The following GFRA1 variants were observed in gnomAD, a reference collection of about 807,000 sequenced individuals.
The protein encoded by GFRA1 is GDNF family receptor alpha-1.
Under a neutral mutation model 51.6 loss-of-function variants are expected in GFRA1, and 16 were observed. The ratio of observed to expected loss-of-function variants is 0.31; its 90% confidence interval spans 0.21 to 0.47. GFRA1 has a LOEUF of 0.47. GFRA1 is among the 20% of genes least tolerant of loss of function. The probability of loss-of-function intolerance (pLI) is 1.00; values close to 1 mark genes in which losing one functional copy is unlikely to be tolerated. For missense variants in GFRA1, 530 were observed against 594.3 expected, an observed-to-expected ratio of 0.89 and a Z score of 1.13; for synonymous variants, 270 against 241.3, an observed-to-expected ratio of 1.12 and a Z score of -1.10.
chr10:116,258,738 C>T (rs906251750), intron 4 of GFRA1, among the ~76,000 whole-genome samples: 1 of 152,124 alleles, frequency 6.6e-6, no homozygotes, highest in Non-Finnish European at 1.5e-5. Context: ...CACTTGAGCC[C>T]CAGTTCCCTT....
chr10:116,068,658 A>G (rs986872192), intron 9 of GFRA1, among the ~76,000 whole-genome samples: 1 of 152,214 alleles, frequency 6.6e-6, no homozygotes, highest in African/African-American at 2.4e-5. Flanking sequence ...CTGCAGATCC[A>G]GAGTCTACTT....
chr10:116,192,373 T>C (rs989876357), intron 5 of GFRA1, among the ~76,000 whole-genome samples: 1 of 152,094 alleles, frequency 6.6e-6, no homozygotes, highest in Admixed American at 6.6e-5. Context: ...GAACCTCAGG[T>C]GTCAGGGGCA....
At chr10:116,130,138 C>A (rs965171296) in intron 5 of GFRA1, among the ~76,000 whole-genome samples, 9 of 149,328 alleles carry the variant, frequency 6.0e-5, no homozygotes, top group Admixed American at 3.3e-4. Flanking sequence ...GACCTCTACA[C>A]TGAAAAATAA....
In GFRA1 at chr10:116,269,518, C is replaced by A. The variant is rs774670515; in HGVS notation, c.403G>T (p.Val135Phe). ...NSRLSDIFRV[V>F]PFISDVFQQV... ...ATCTGCTTACCTGATATGAATGGGA[C>A]CACCCGGAATATATCTGACAATCTG... The change falls in exon 4 of 11, where the codon GTC (valine) becomes TTC (phenylalanine). Residue 135 changes from valine to phenylalanine, a missense_variant. Transcript: ENST00000355422. 1 of 1,595,036 alleles carries A rather than the reference C, an allele frequency of 6.3e-7. No homozygotes were observed.
chr10:116,102,318 A>G (rs1565576585), intron 6 of GFRA1, among the ~76,000 whole-genome samples: 1 of 152,304 alleles, frequency 6.6e-6, no homozygotes, highest in South Asian at 2.1e-4. Flanking sequence ...CCTTAGAGAC[A>G]TGACGGGTAC....
chr10:116,218,905 C>A (rs961883895), intron 4 of GFRA1, among the ~76,000 whole-genome samples: 1 of 152,190 alleles, frequency 6.6e-6, no homozygotes, highest in African/African-American at 2.4e-5. Flanking sequence ...CCTCCCTTCA[C>A]CTTTTATCAT....
intron 5 of GFRA1, among the ~76,000 whole-genome samples, chr10:116,155,475 A>G (rs1412319101): frequency 6.6e-6 from 1 of 152,206 alleles, no homozygotes; most frequent in African/African-American, 2.4e-5. Flanking sequence ...AAGCAGCTAG[A>G]GAAGGCCTCA....
chr10:116,156,096 A>G (rs1281837686), intron 5 of GFRA1, among the ~76,000 whole-genome samples: 1 of 152,212 alleles, frequency 6.6e-6, no homozygotes, highest in Non-Finnish European at 1.5e-5. Context: ...CAAAGCTCCA[A>G]TCAAACCAAG....
chr10:116,129,948 C>T (rs138709316), intron 5 of GFRA1, among the ~76,000 whole-genome samples: 2 of 151,380 alleles, frequency 1.3e-5, no homozygotes, highest in South Asian at 2.1e-4. Context: ...AAATGTGATG[C>T]CTTGATATAT....
At chr10:116,158,673 CA>C (rs1959413497) in intron 5 of GFRA1, among the ~76,000 whole-genome samples, 1 of 152,212 alleles carries the variant, frequency 6.6e-6, no homozygotes, top group African/African-American at 2.4e-5. Context: ...CACTGCTCAG[CA>C]GGATGCTGGA....
At chr10:116,143,045 CCA>C (rs1958638993) in intron 5 of GFRA1, among the ~76,000 whole-genome samples, 1 of 152,158 alleles carries the variant, frequency 6.6e-6, no homozygotes. Context: ...TGAAAACACT[CCA>C]TATTTTGGGA....
chr10:116,170,160 G>A (rs1184572398), intron 5 of GFRA1, among the ~76,000 whole-genome samples: 2 of 152,186 alleles, frequency 1.3e-5, no homozygotes, highest in African/African-American at 4.8e-5. Context: ...TGAGCAACAT[G>A]GAAGTATAGG....
rs768706504 is a variant in GFRA1 at position 116,125,311 on chromosome 10, T to A, written c.680A>T (p.Gln227Leu). ...ATAGGAGCACACAGGCACGATGGTCTGTCGCCTCCGCTCTGTGCAGGCGAT... is the reference window on the plus strand; with the variant it reads ...ATAGGAGCACACAGGCACGATGGTCAGTCGCCTCCGCTCTGTGCAGGCGAT... The part of the protein sequence containing the change: ...RDIACTERRR[Q>L]TIVPVCSYEE... Residue 227 changes from glutamine to leucine, a missense_variant, in exon 6 of 11, where the codon CAG becomes CTG. Coordinates refer to ENST00000355422, the MANE Select transcript of GFRA1 (RefSeq NM_005264.8). 17 of 1,614,118 alleles carry A rather than the reference T, an allele frequency of 1.1e-5. No homozygotes were observed. The highest frequency in any genetic ancestry group is 1.6e-4 in the Middle Eastern group (1 of 6,084).
At chr10:116,104,362 A>G (rs573545750) in intron 6 of GFRA1, among the ~76,000 whole-genome samples, 1 of 152,168 alleles carries the variant, frequency 6.6e-6, no homozygotes, top group Non-Finnish European at 1.5e-5. Context: ...TTCCCCGATC[A>G]CTGTTGCTCC....
At chr10:116,067,475 A>G (rs1955168489) in intron 9 of GFRA1, among the ~76,000 whole-genome samples, 1 of 152,202 alleles carries the variant, frequency 6.6e-6, no homozygotes, top group African/African-American at 2.4e-5. Flanking sequence ...GTCACAGCCA[A>G]GTTGCGCCTG....
At chr10:116,255,541 C>A in intron 4 of GFRA1, 2 of 1,162,432 alleles carry the variant, frequency 1.7e-6, no homozygotes, top group South Asian at 3.0e-5. Context: ...ACCATGTTCA[C>A]ATCCACTCAA....
At chr10:116,228,462 A>T (rs916732279) in intron 4 of GFRA1, among the ~76,000 whole-genome samples, 1 of 152,178 alleles carries the variant, frequency 6.6e-6, no homozygotes, top group African/African-American at 2.4e-5. Flanking sequence ...AATCCCTGGA[A>T]TCTGTGAAGA....
At chr10:116,181,981 C>T (rs1370308571) in intron 5 of GFRA1, among the ~76,000 whole-genome samples, 5 of 152,150 alleles carry the variant, frequency 3.3e-5, no homozygotes, top group Non-Finnish European at 7.3e-5. Context: ...TGGAAAGAAA[C>T]TCAGCAAGCT....
At chr10:116,252,122 A>C (rs1968429328) in intron 4 of GFRA1, among the ~76,000 whole-genome samples, 2 of 151,878 alleles carry the variant, frequency 1.3e-5, no homozygotes, top group Non-Finnish European at 2.9e-5. Context: ...TCAGAGTGCT[A>C]ATCTAAAAAC....
Sources: gnomAD v4.1 joint callset for allele counts (sites outside exome capture counted in the v4.1 genomes callset) on GRCh38, gnomAD v4.1.1 for gene constraint, MANE v1.5 for transcripts, NCBI Gene and HGNC (gene_info 2026-07-23, HGNC 2026-07-21) for gene names.